TMEM38B: variants seen among roughly 807,000 people sequenced by gnomAD.
The protein encoded by TMEM38B is trimeric intracellular cation channel type B.
In TMEM38B, 24 loss-of-function variants were observed where a neutral mutation model predicts 28.7. The ratio of observed to expected loss-of-function variants is 0.84; its 90% CI spans 0.61 to 1.18. The LOEUF is 1.18. TMEM38B is among the 50% of genes most tolerant of loss of function. The probability of loss-of-function intolerance (pLI) is 0.00; values close to 1 mark genes in which losing one functional copy is unlikely to be tolerated. For synonymous variants in TMEM38B, 131 were observed against 127.7 expected (o/e 1.03, Z -0.17); for missense variants, 380 against 350.9 (o/e 1.08, Z -0.66).
At chr9:105,729,094 A>G (rs985520202) in intron 4 of TMEM38B, among the ~76,000 whole-genome samples, 3 of 152,036 alleles carry the variant, frequency 2.0e-5, no homozygotes, top group Non-Finnish European at 4.4e-5. Context: ...ATTAGATCCC[A>G]TTTGTCAATT....
At chr9:105,751,376 C>T (rs112253617) in intron 5 of TMEM38B, among the ~76,000 whole-genome samples, 216 of 152,274 alleles carry the variant, frequency 1.4e-3, no homozygotes, top group African/African-American at 4.7e-3. Flanking sequence ...CTTTGCGACC[C>T]GTAGATCAGG....
At chr9:105,717,228 A>G (rs557049406) in intron 2 of TMEM38B, among the ~76,000 whole-genome samples, 3 of 152,298 alleles carry the variant, frequency 2.0e-5, no homozygotes, top group Admixed American at 6.5e-5. Context: ...AGAAGTAACC[A>G]TTATCTTCAA....
chr9:105,723,071 A>G (rs1440422839), intron 4 of TMEM38B, among the ~76,000 whole-genome samples: 1 of 152,216 alleles, frequency 6.6e-6, no homozygotes, highest in Admixed American at 6.5e-5. Context: ...TCAATACATT[A>G]TCATAAAGTG....
intron 5 of TMEM38B, chr9:105,758,633 C>T: frequency 6.1e-6 from 5 of 819,684 alleles, no homozygotes; most frequent in Non-Finnish European, 8.6e-6. Flanking sequence ...CTAACCAGCT[C>T]TTCAGATTTC....
chr9:105,772,449 A>G (rs544605584), intron 5 of TMEM38B, among the ~76,000 whole-genome samples: 1 of 152,138 alleles, frequency 6.6e-6, no homozygotes, highest in Non-Finnish European at 1.5e-5. Flanking sequence ...TCTTCACAAG[A>G]AAAAGCAAGG....
intron 4 of TMEM38B, among the ~76,000 whole-genome samples, chr9:105,744,894 AT>A (rs1471989675): frequency 6.6e-6 from 1 of 152,192 alleles, no homozygotes; most frequent in Non-Finnish European, 1.5e-5. Context: ...AGCTTCATCC[AT>A]GTCCCTACAA....
At chr9:105,715,039 A>T (rs1174596201) in intron 2 of TMEM38B, among the ~76,000 whole-genome samples, 5 of 152,220 alleles carry the variant, frequency 3.3e-5, no homozygotes, top group African/African-American at 1.2e-4. Context: ...TTCCACCCTA[A>T]GAATTTGGTT....
intron 4 of TMEM38B, among the ~76,000 whole-genome samples, chr9:105,733,416 T>TTTTTC: frequency 1.4e-5 from 2 of 140,810 alleles, no homozygotes; most frequent in Non-Finnish European, 3.0e-5. Context: ...GCAGTTTTCT[T>TTTTTC]TTTTCTTTTT....
chr9:105,720,564 C>A (rs113923347), intron 2 of TMEM38B, among the ~76,000 whole-genome samples: 1 of 152,014 alleles, frequency 6.6e-6, no homozygotes, highest in Non-Finnish European at 1.5e-5. Context: ...GCTAAACAGA[C>A]TATTGTATCT....
At chr9:105,728,555 G>T (rs144855456) in intron 4 of TMEM38B, among the ~76,000 whole-genome samples, 2 of 152,180 alleles carry the variant, frequency 1.3e-5, no homozygotes, top group Non-Finnish European at 2.9e-5. Flanking sequence ...ACATACGTGT[G>T]CATGTGTCTT....
At chr9:105,707,025 G>A (rs10115634) in intron 2 of TMEM38B, among the ~76,000 whole-genome samples, 61,306 of 151,892 alleles carry the variant, frequency 0.4, 13,739 homozygotes, top group East Asian at 0.59. Context: ...TGATCTGCCC[G>A]TCTCAGCCTC....
At chr9:105,745,500 TAA>T (rs1837354030) in intron 4 of TMEM38B, among the ~76,000 whole-genome samples, 2 of 152,250 alleles carry the variant, frequency 1.3e-5, no homozygotes, top group Non-Finnish European at 2.9e-5. Flanking sequence ...CTTTGACAGA[TAA>T]GTAGATTGCA....
At chr9:105,724,794 T>TA (rs1430648312) in intron 4 of TMEM38B, among the ~76,000 whole-genome samples, 2 of 152,202 alleles carry the variant, frequency 1.3e-5, no homozygotes, top group East Asian at 3.8e-4. Flanking sequence ...ATAAATAAGA[T>TA]ACTCTTGATA....
At chr9:105,754,178 C>T (rs1437158188) in intron 5 of TMEM38B, among the ~76,000 whole-genome samples, 10 of 152,178 alleles carry the variant, frequency 6.6e-5, no homozygotes, top group African/African-American at 2.4e-4. Context: ...TAGACTTCCA[C>T]ACAATAATAG....
chr9:105,742,445 T>A (rs1455106856), intron 4 of TMEM38B, among the ~76,000 whole-genome samples: 1 of 152,254 alleles, frequency 6.6e-6, no homozygotes, highest in African/African-American at 2.4e-5. Flanking sequence ...TTCTCCCTTT[T>A]GGAATGGCAA....
intron 5 of TMEM38B, among the ~76,000 whole-genome samples, chr9:105,755,441 C>A (rs569795792): frequency 6.6e-6 from 1 of 151,534 alleles, no homozygotes; most frequent in Admixed American, 6.6e-5. Context: ...ACATGTACCC[C>A]GATGTTAAAT....
intron 4 of TMEM38B, among the ~76,000 whole-genome samples, chr9:105,745,515 C>A (rs569665928): frequency 1.3e-4 from 20 of 152,092 alleles, no homozygotes; most frequent in Admixed American, 5.2e-4. Context: ...AGATTGCAAA[C>A]ATTTTCTCCC....
chr9:105,694,834 AGTCGGGTGG>A (rs559761303), intron 1 of TMEM38B, 62 bp downstream of exon 1: 28 of 69,208 alleles, frequency 4.0e-4, no homozygotes, highest in Non-Finnish European at 5.8e-4. Flanking sequence ...GGACCGTCTA[AGTCGGGTGG>A]GTCGGGTGGG....
chr9:105,712,054 A>G lies in TMEM38B; in HGVS notation c.269+6301A>G, dbSNP rs117193060. ...TGCCTCAGCCTGAGTAGCTGGGACT[A>G]AAGGTGCATGAAACTATGCCCAGCT... On this transcript the variant is annotated intron_variant, in intron 2 of 5. Coordinates refer to ENST00000374692, the MANE Select transcript of TMEM38B (RefSeq NM_018112.3). Among the ~76,000 whole-genome samples, 806 of 152,200 alleles carry G rather than the reference A, an allele frequency of 5.3e-3. 2 individuals are homozygous for G. The highest frequency in any genetic ancestry group is 8.5e-3 in the Non-Finnish European group (577 of 68,000).
Sources: gnomAD v4.1 joint callset for allele counts (sites outside exome capture counted in the v4.1 genomes callset) on GRCh38, gnomAD v4.1.1 for gene constraint, MANE v1.5 for transcripts, NCBI Gene and HGNC (gene_info 2026-07-23, HGNC 2026-07-21) for gene names.